Variants in PPP2R2B observed in about 807,000 individuals in gnomAD.
PPP2R2B encodes the protein serine/threonine-protein phosphatase 2A 55 kDa regulatory subunit B beta isoform.
A neutral mutation model predicts 46.0 loss-of-function variants in PPP2R2B; 5 were observed. The observed-to-expected ratio is 0.11, with a 90% CI of 0.06 to 0.23. The LOEUF is 0.23. PPP2R2B is among the 10% of genes least tolerant of loss of function. PPP2R2B has a pLI of 1.00. For missense variants in PPP2R2B, 367 were observed against 575.0 expected, an observed-to-expected ratio of 0.64 and a Z score of 3.70; for synonymous variants, 215 against 206.7, an observed-to-expected ratio of 1.04 and a Z score of -0.34.
At chr5:147,058,537 A>C (rs1352731563), upstream of PPP2R2B, among the ~76,000 whole-genome samples, 1 of 152,176 alleles carries the variant, frequency 6.6e-6, no homozygotes, top group Non-Finnish European at 1.5e-5. Flanking sequence ...GAAGCAAAAT[A>C]AACAATGGGA....
At chr5:146,720,399 C>A (rs1163311531) in intron 2 of PPP2R2B, among the ~76,000 whole-genome samples, 3 of 152,212 alleles carry the variant, frequency 2.0e-5, no homozygotes, top group Non-Finnish European at 4.4e-5. Context: ...TGAATCTTCT[C>A]CAGTTTCATT....
rs17105328 is a variant in PPP2R2B, at chr5:146,738,462, A to G, written c.71-37320T>C. ...CTAGTTGGAAGTGACTTTAAACGTC[A>G]TCTTATTTTATTCATAATTTGGTAC... On this transcript the variant is annotated intron_variant, in intron 2 of 9. Coordinates refer to ENST00000394411, the MANE Select transcript of PPP2R2B (RefSeq NM_181675.4). Among the ~76,000 whole-genome samples the G allele has an allele frequency of 2.7e-4, 41 of 151,828 alleles. 2 individuals are homozygous for G. The East Asian group carries it at 8.0e-3, about 30-fold the overall frequency.
intron 2 of PPP2R2B, among the ~76,000 whole-genome samples, chr5:146,707,810 C>T (rs1369707851): frequency 1.3e-5 from 2 of 152,198 alleles, no homozygotes; most frequent in African/African-American, 4.8e-5. Context: ...TTAATGACTA[C>T]ACATACCCAC....
intron 2 of PPP2R2B, among the ~76,000 whole-genome samples, chr5:146,817,331 C>T (rs1248419867): frequency 6.6e-6 from 1 of 152,228 alleles, no homozygotes; most frequent in African/African-American, 2.4e-5. Context: ...CTGACTTGGA[C>T]ACCTGGCCTA....
chr5:146,874,609 C>T (rs1464212742), intron 2 of PPP2R2B, among the ~76,000 whole-genome samples: 1 of 152,148 alleles, frequency 6.6e-6, no homozygotes, highest in African/African-American at 2.4e-5. Flanking sequence ...GAGAACAGAG[C>T]AGTTATTTTA....
At chr5:146,769,771 T>C (rs1264075561) in intron 2 of PPP2R2B, among the ~76,000 whole-genome samples, 3 of 152,226 alleles carry the variant, frequency 2.0e-5, no homozygotes, top group East Asian at 3.8e-4. Context: ...GAGCAAGTCC[T>C]TGTTCTGAAA....
At chr5:146,744,335 A>G (rs997507154) in intron 2 of PPP2R2B, among the ~76,000 whole-genome samples, 1 of 152,186 alleles carries the variant, frequency 6.6e-6, no homozygotes. Flanking sequence ...CAGCCAAAGA[A>G]GCAATGAAAG....
At chr5:146,750,760 A>G (rs1246579136) in intron 2 of PPP2R2B, among the ~76,000 whole-genome samples, 13 of 152,228 alleles carry the variant, frequency 8.5e-5, no homozygotes, top group African/African-American at 2.9e-4. Flanking sequence ...TATTTTCAAC[A>G]TAAGCCAGAA....
rs113022747 is a variant in PPP2R2B at position 146,918,232 on chromosome 5, A to G, written c.79+137433T>C. ...AGCAAAGAAACAGGAGGAAGAATAT[A>G]TATGAAGGGAAACTCGCCTTGGGCT... On this transcript the variant is annotated intron_variant, in intron 1 of 8. Coordinates refer to the PPP2R2B transcript ENST00000336640. The G allele has an allele frequency of 5.9e-5, 9 of 152,318 alleles. 1 individual carries two copies. Among genetic ancestry groups the G allele is most frequent in the African/African-American group, 1.9e-4 (8 of 41,580 alleles). The allele number at this position is 152,318 out of a possible 1,614,324, so 9.4% of individuals were successfully genotyped here. A position where few individuals can be genotyped will look rare whatever the true frequency, so the allele number is the denominator to read the frequency against.
rs142461655 is a variant in PPP2R2B, at chr5:146,878,727, A to AGCAGCTGCT, written c.-262_-261insAGCAGCTGC. On this transcript the variant is annotated 5_prime_UTR_variant, in exon 1 of 10. Transcript: ENST00000394411. This position sits in a 1 kb window ranked among gnomAD's most constrained non-coding sequence, Gnocchi z 4.5. ...CTCACACCCACACGCGCGCACTCGCAGCTGCTGCTGCTGCTGCTGCTGCTG... is the reference window on the plus strand; with the variant it reads ...CTCACACCCACACGCGCGCACTCGCAGCAGCTGCTGCTGCTGCTGCTGCTGCTGCTGCTG... 6.2e-6 allele frequency: 8 copies of AGCAGCTGCT among 1,297,486 alleles called. No homozygotes were observed. The African/African-American group carries it at 9.3e-5, about 15-fold the overall frequency. The allele number at this position is 1,297,486 out of a possible 1,614,324, so 80.4% of individuals were successfully genotyped here.
intron 5 of PPP2R2B, among the ~76,000 whole-genome samples, chr5:146,664,002 T>A (rs1288297005): frequency 6.6e-6 from 1 of 152,006 alleles, no homozygotes; most frequent in Non-Finnish European, 1.5e-5. Context: ...CCACCACGCC[T>A]GGGTAATTTT....
intron 2 of PPP2R2B, among the ~76,000 whole-genome samples, chr5:146,708,678 T>C (rs576011560): frequency 2.5e-4 from 38 of 152,226 alleles, no homozygotes; most frequent in African/African-American, 8.7e-4. Flanking sequence ...TCTCTATTGA[T>C]ATGACTCAAC....
chr5:146,591,137 G>C (rs1338892842), intron 9 of PPP2R2B, among the ~76,000 whole-genome samples: 2 of 151,970 alleles, frequency 1.3e-5, no homozygotes, highest in Admixed American at 1.3e-4. Context: ...TCACACGGTG[G>C]TTCCCCTGGA....
chr5:147,008,901 T>C (rs889750745), intron 1 of PPP2R2B, among the ~76,000 whole-genome samples: 29 of 152,304 alleles, frequency 1.9e-4, no homozygotes, highest in African/African-American at 6.0e-4. Context: ...TGCTACTCAG[T>C]TCTTATGAAA....
chr5:146,686,664 C>T (rs1468773556), intron 5 of PPP2R2B, among the ~76,000 whole-genome samples: 2 of 152,288 alleles, frequency 1.3e-5, no homozygotes, highest in Non-Finnish European at 1.5e-5. Flanking sequence ...CCAGTCACAG[C>T]TTGGGAGCTC....
At chr5:147,046,320 A>T (rs1459753738) in intron 1 of PPP2R2B, among the ~76,000 whole-genome samples, 1 of 152,172 alleles carries the variant, frequency 6.6e-6, no homozygotes, top group Non-Finnish European at 1.5e-5. Flanking sequence ...TTTCATACAT[A>T]TCTTCGAAGT....
chr5:146,748,880 CA>C (rs1377847850), intron 2 of PPP2R2B, among the ~76,000 whole-genome samples: 11 of 152,092 alleles, frequency 7.2e-5, no homozygotes, highest in African/African-American at 2.4e-4. Flanking sequence ...TGTGCACATA[CA>C]TTTTTTTTAT....
At chr5:147,063,594 G>A (rs758877075) in intron 2 of PPP2R2B, among the ~76,000 whole-genome samples, 1 of 152,070 alleles carries the variant, frequency 6.6e-6, no homozygotes, top group Non-Finnish European at 1.5e-5. Context: ...CTGTTCTGCA[G>A]AAAAAAACTG....
chr5:146,883,716 G>T (rs1762238737), upstream of PPP2R2B, among the ~76,000 whole-genome samples: 1 of 152,186 alleles, frequency 6.6e-6, no homozygotes, highest in Non-Finnish European at 1.5e-5. Flanking sequence ...TGAATTTCTA[G>T]CAAGTTTGCA....
Sources: gnomAD v4.1 joint callset for allele counts (sites outside exome capture counted in the v4.1 genomes callset) on GRCh38, gnomAD v4.1.1 for gene constraint, Gnocchi (gnomAD v3.1) non-coding constraint, MANE v1.5 for transcripts, NCBI Gene and HGNC (gene_info 2026-07-23, HGNC 2026-07-21) for gene names.